FSTL4: variants seen among roughly 807,000 people sequenced by gnomAD.
FSTL4 encodes follistatin-related protein 4.
A neutral mutation model predicts 78.2 loss-of-function variants in FSTL4; 28 were observed. The ratio of observed to expected loss-of-function variants is 0.36; its 90% CI spans 0.27 to 0.49. FSTL4 has a LOEUF of 0.49. FSTL4 is among the 20% of genes least tolerant of loss of function. The pLI, the probability that FSTL4 is intolerant of heterozygous loss-of-function variation, is 0.98. For synonymous variants in FSTL4, 422 were observed against 440.5 expected, an observed-to-expected ratio of 0.96 and a Z score of 0.53; for missense variants, 922 against 1,084.9, an observed-to-expected ratio of 0.85 and a Z score of 2.11.
the FSTL4 span, among the ~76,000 whole-genome samples, chr5:133,669,117 A>G: frequency 1.3e-5 from 2 of 152,364 alleles, no homozygotes; most frequent in South Asian, 2.1e-4. Flanking sequence ...AGGGAACACC[A>G]GAAAAATCCC....
intron 4 of FSTL4, among the ~76,000 whole-genome samples, chr5:133,317,188 T>C (rs1408442667): frequency 6.6e-6 from 1 of 151,932 alleles, no homozygotes; most frequent in African/African-American, 2.4e-5. Flanking sequence ...TATACACAAG[T>C]CTATGACCAA....
rs1750197088 is a variant in FSTL4, at chr5:133,198,108, T to C, written c.*987A>G. ...AACTCACCTGGCCCCACTCGTGTCCTTGGGGTTTCTGCATTGAGCCTGGAG... is the reference window on the plus strand; with the variant it reads ...AACTCACCTGGCCCCACTCGTGTCCCTGGGGTTTCTGCATTGAGCCTGGAG... On this transcript the variant is annotated 3_prime_UTR_variant, in exon 16 of 16. Transcript: ENST00000265342. The C allele has an allele frequency of 6.5e-6, 1 of 152,720 alleles. No individual in the cohort carries two copies. The highest frequency in any genetic ancestry group is 6.5e-5 in the Admixed American group (1 of 15,284). The allele number at this position is 152,720 out of a possible 1,614,324, so 9.5% of individuals were successfully genotyped here.
At chr5:133,758,832 C>T in the FSTL4 span, among the ~76,000 whole-genome samples, 1 of 152,208 alleles carries the variant, frequency 6.6e-6, no homozygotes, top group Non-Finnish European at 1.5e-5. Context: ...ACCACCAGAG[C>T]AGTCATCTGA....
the FSTL4 span, among the ~76,000 whole-genome samples, chr5:133,802,241 C>G: frequency 6.6e-6 from 1 of 152,120 alleles, no homozygotes; most frequent in African/African-American, 2.4e-5. Context: ...AAATATTGAC[C>G]AAATCGATGC....
chr5:133,511,274 C>T (rs910338207), intron 3 of FSTL4, among the ~76,000 whole-genome samples: 15 of 152,326 alleles, frequency 9.8e-5, no homozygotes, highest in African/African-American at 1.9e-4. Context: ...GATCATTCAG[C>T]GATGGAGTTG....
chr5:133,824,632 G>T, the FSTL4 span, among the ~76,000 whole-genome samples: 1 of 152,284 alleles, frequency 6.6e-6, no homozygotes, highest in African/African-American at 2.4e-5. Context: ...AAGACTCGGG[G>T]CGAAGAAGGC....
chr5:133,736,157 C>T, the FSTL4 span, among the ~76,000 whole-genome samples: 105 of 152,238 alleles, frequency 6.9e-4, no homozygotes, highest in Middle Eastern at 0.014. Context: ...CCTTGGCCTA[C>T]GGTAAAAGGA....
chr5:133,410,509 C>T (rs1352451959), intron 3 of FSTL4, among the ~76,000 whole-genome samples: 3 of 152,200 alleles, frequency 2.0e-5, no homozygotes, highest in Non-Finnish European at 4.4e-5. Flanking sequence ...CCAATTATTT[C>T]AAGAATCACT....
the FSTL4 span, among the ~76,000 whole-genome samples, chr5:133,642,944 C>T: frequency 6.6e-6 from 1 of 152,164 alleles, no homozygotes; most frequent in South Asian, 2.1e-4. Context: ...AGCACAAGAA[C>T]AAATTGCAAG....
At chr5:133,217,142 G>T in intron 13 of FSTL4, 87 bp downstream of exon 13, 3 of 1,074,538 alleles carry the variant, frequency 2.8e-6, no homozygotes, top group South Asian at 1.4e-5. Context: ...TGGCACAGGA[G>T]CTGGGGAGTA....
intron 3 of FSTL4, among the ~76,000 whole-genome samples, chr5:133,550,862 T>G (rs559802871): frequency 8.4e-4 from 128 of 152,170 alleles, no homozygotes; most frequent in Non-Finnish European, 1.5e-3. Flanking sequence ...GAAAGCCAAC[T>G]TTTAGGTAGA....
chr5:133,543,941 T>G (rs1759524667), intron 3 of FSTL4, among the ~76,000 whole-genome samples: 1 of 152,132 alleles, frequency 6.6e-6, no homozygotes, highest in Non-Finnish European at 1.5e-5. Flanking sequence ...TTGTTAGTGG[T>G]TTCCTTAGAC....
At chr5:133,681,767 A>G in the FSTL4 span, among the ~76,000 whole-genome samples, 1 of 152,224 alleles carries the variant, frequency 6.6e-6, no homozygotes, top group African/African-American at 2.4e-5. Flanking sequence ...ATGACCCATC[A>G]TCAGAGCAGG....
chr5:133,374,252 G>A (rs1434651193), intron 4 of FSTL4, among the ~76,000 whole-genome samples: 7 of 152,112 alleles, frequency 4.6e-5, no homozygotes, highest in Non-Finnish European at 1.0e-4. Context: ...TCTCCTATTC[G>A]GTCATTATGG....
At chr5:133,616,725 A>G (rs1390211315), upstream of FSTL4, among the ~76,000 whole-genome samples, 1 of 152,006 alleles carries the variant, frequency 6.6e-6, no homozygotes, top group African/African-American at 2.4e-5. Flanking sequence ...TTCTAAATAA[A>G]CGTTCCTTTC....
chr5:133,245,121 TAAAA>T (rs11315228), intron 7 of FSTL4, among the ~76,000 whole-genome samples: 2 of 91,444 alleles, frequency 2.2e-5, no homozygotes, highest in Admixed American at 1.1e-4. Flanking sequence ...CCCTACTGCC[TAAAA>T]AAAAAAAAAA....
the FSTL4 span, among the ~76,000 whole-genome samples, chr5:133,828,018 C>T: frequency 9.2e-5 from 14 of 152,160 alleles, no homozygotes; most frequent in Non-Finnish European, 1.6e-4. Flanking sequence ...GGGTTGGCCA[C>T]CCCAACTCCT....
At chr5:133,412,111 A>C (rs181521717) in intron 3 of FSTL4, among the ~76,000 whole-genome samples, 1 of 152,300 alleles carries the variant, frequency 6.6e-6, no homozygotes, top group Non-Finnish European at 1.5e-5. Flanking sequence ...ATAAATACAC[A>C]AATTTAATGC....
At chr5:133,610,466 G>A (rs1000865091) in intron 1 of FSTL4, among the ~76,000 whole-genome samples, 2 of 152,212 alleles carry the variant, frequency 1.3e-5, no homozygotes, top group Non-Finnish European at 2.9e-5. Flanking sequence ...GGATGGGAGG[G>A]AAAAAGCGAA....
Sources: gnomAD v4.1 joint callset for allele counts (sites outside exome capture counted in the v4.1 genomes callset) on GRCh38, gnomAD v4.1.1 for gene constraint, MANE v1.5 for transcripts, NCBI Gene and HGNC (gene_info 2026-07-23, HGNC 2026-07-21) for gene names.